Variants in NSMCE2 observed in about 807,000 individuals in gnomAD.
The protein encoded by NSMCE2 is NSE2 SUMO ligase component of SMC5/6 complex, also known as E3 SUMO-protein ligase NSE2.
In NSMCE2, 24 loss-of-function variants were observed where a neutral mutation model predicts 23.8. The observed-to-expected ratio is 1.01, with a 90% CI of 0.73 to 1.42. The LOEUF (loss-of-function observed/expected upper bound fraction) is 1.42, where lower values mean the gene tolerates loss of function less well. Ranked by LOEUF, NSMCE2 falls within the 40% of genes most tolerant of loss-of-function variation. The pLI is 0.00. For missense variants in NSMCE2, 284 were observed against 296.5 expected (o/e 0.96, Z 0.31); for synonymous variants, 92 against 94.1 (o/e 0.98, Z 0.13).
intron 5 of NSMCE2, among the ~76,000 whole-genome samples, chr8:125,333,884 C>T (rs1829977650): frequency 6.6e-6 from 1 of 152,016 alleles, no homozygotes; most frequent in Non-Finnish European, 1.5e-5. Context: ...AAAATAAGGC[C>T]CAAGGAGAGG....
At chr8:125,176,353 T>C (rs1822492586) in intron 4 of NSMCE2, among the ~76,000 whole-genome samples, 1 of 152,222 alleles carries the variant, frequency 6.6e-6, no homozygotes, top group Non-Finnish European at 1.5e-5. Context: ...CTTCCTAAAC[T>C]TTGTGGATAT....
At chr8:125,355,722 A>AAC (rs1208991192) in intron 5 of NSMCE2, among the ~76,000 whole-genome samples, 133 of 149,942 alleles carry the variant, frequency 8.9e-4, no homozygotes, top group African/African-American at 3.1e-3. Flanking sequence ...AAAAAAAAAA[A>AAC]GCTATTGATC....
chr8:125,145,560 G>T (rs918094015), intron 3 of NSMCE2, among the ~76,000 whole-genome samples: 2 of 152,226 alleles, frequency 1.3e-5, no homozygotes, highest in Middle Eastern at 3.4e-3. Context: ...TTTGATTAAC[G>T]AAAGCAAGGG....
chr8:125,245,141 G>C (rs975661589), intron 5 of NSMCE2, among the ~76,000 whole-genome samples: 1 of 152,046 alleles, frequency 6.6e-6, no homozygotes, highest in African/African-American at 2.4e-5. Flanking sequence ...AAATTAGCCC[G>C]GCGTGGTGGT....
intron 3 of NSMCE2, among the ~76,000 whole-genome samples, chr8:125,117,787 G>T (rs1819085684): frequency 6.6e-6 from 1 of 152,128 alleles, no homozygotes; most frequent in East Asian, 1.9e-4. Flanking sequence ...ATCTCAGTGT[G>T]TTCATCTGAT....
At chr8:125,303,187 C>G (rs1000899229) in intron 5 of NSMCE2, among the ~76,000 whole-genome samples, 9 of 152,136 alleles carry the variant, frequency 5.9e-5, no homozygotes, top group African/African-American at 1.9e-4. Context: ...GTAGCTGCCT[C>G]CCTCTGTGAA....
intron 5 of NSMCE2, among the ~76,000 whole-genome samples, chr8:125,346,283 G>A (rs1830434150): frequency 6.6e-6 from 1 of 152,222 alleles, no homozygotes; most frequent in South Asian, 2.1e-4. Flanking sequence ...GAAATGTTGG[G>A]GGTTTGAAGT....
At chr8:125,202,122 C>T (rs147072168) in intron 5 of NSMCE2, among the ~76,000 whole-genome samples, 3 of 152,350 alleles carry the variant, frequency 2.0e-5, no homozygotes, top group Admixed American at 6.5e-5. Flanking sequence ...CAGTCTGTCA[C>T]GGCTTCCCTT....
intron 5 of NSMCE2, among the ~76,000 whole-genome samples, chr8:125,346,538 G>C (rs1478265596): frequency 1.3e-5 from 2 of 152,100 alleles, no homozygotes; most frequent in Non-Finnish European, 2.9e-5. Flanking sequence ...TCTCAATGCT[G>C]GCTAATCAGA....
intron 3 of NSMCE2, among the ~76,000 whole-genome samples, chr8:125,139,193 G>C (rs1042415182): frequency 6.6e-6 from 1 of 152,142 alleles, no homozygotes. Flanking sequence ...AATTTTACAT[G>C]GAGTAGAAGT....
At chr8:125,326,989 G>A (rs1390579330) in intron 5 of NSMCE2, among the ~76,000 whole-genome samples, 1 of 149,114 alleles carries the variant, frequency 6.7e-6, no homozygotes, top group Admixed American at 6.7e-5. Flanking sequence ...AGGGCCAGGC[G>A]AGGTGGCTCA....
chr8:125,142,417 T>C (rs915903608), intron 3 of NSMCE2, among the ~76,000 whole-genome samples: 3 of 152,198 alleles, frequency 2.0e-5, no homozygotes, highest in East Asian at 1.9e-4. Flanking sequence ...GTCTCTCTTC[T>C]GTGTCACGAT....
intron 1 of NSMCE2, among the ~76,000 whole-genome samples, chr8:125,099,858 A>C (rs1321343414): frequency 6.6e-6 from 1 of 152,058 alleles, no homozygotes; most frequent in Non-Finnish European, 1.5e-5. Context: ...AGTGGGAGGA[A>C]AGTCGGAGGA....
At chr8:125,161,362 G>C (rs1821619012) in intron 4 of NSMCE2, among the ~76,000 whole-genome samples, 1 of 151,898 alleles carries the variant, frequency 6.6e-6, no homozygotes, top group Non-Finnish European at 1.5e-5. Flanking sequence ...TATTTATCTT[G>C]GGTTAGAGTA....
intron 5 of NSMCE2, among the ~76,000 whole-genome samples, chr8:125,318,284 C>A (rs1563781271): frequency 6.6e-6 from 1 of 152,030 alleles, no homozygotes. Context: ...TGCCTGTAGT[C>A]CCAGCTACTT....
intron 5 of NSMCE2, among the ~76,000 whole-genome samples, chr8:125,291,540 A>C (rs895945961): frequency 6.6e-6 from 1 of 152,206 alleles, no homozygotes; most frequent in African/African-American, 2.4e-5. Context: ...GATTAAGATT[A>C]CAAATCACAC....
intron 5 of NSMCE2, among the ~76,000 whole-genome samples, chr8:125,277,607 C>T (rs763830503): frequency 9.9e-5 from 15 of 151,844 alleles, no homozygotes; most frequent in South Asian, 4.2e-4. Context: ...CCCAGGTTCA[C>T]GCCATTCTCC....
intron 3 of NSMCE2, among the ~76,000 whole-genome samples, chr8:125,105,668 G>T (rs1359274182): frequency 1.3e-5 from 2 of 152,064 alleles, no homozygotes; most frequent in Non-Finnish European, 2.9e-5. Context: ...GTCACAACCC[G>T]CTGTTGTAGT....
intron 5 of NSMCE2, among the ~76,000 whole-genome samples, chr8:125,322,974 G>A (rs1032910472): frequency 7.2e-5 from 11 of 152,290 alleles, no homozygotes; most frequent in South Asian, 4.1e-4. Context: ...TGGGAGAATC[G>A]CTTGAACCCA....
Sources: allele counts gnomAD v4.1 joint callset (sites outside exome capture counted in the v4.1 genomes callset), GRCh38; gene constraint gnomAD v4.1.1; transcripts MANE v1.5; gene names NCBI Gene and HGNC (gene_info 2026-07-23, HGNC 2026-07-21).